The following SPINK5 variants were observed in gnomAD, a reference collection of about 807,000 sequenced individuals.
SPINK5 encodes the protein serine peptidase inhibitor Kazal type 5, also known as serine protease inhibitor Kazal-type 5.
In SPINK5, 125 loss-of-function variants were observed where a neutral mutation model predicts 151.8. The observed-to-expected ratio is 0.82, with a 90% CI of 0.71 to 0.96. The LOEUF (loss-of-function observed/expected upper bound fraction) is 0.96. SPINK5 is among the 40% of genes least tolerant of loss of function. SPINK5 has a pLI of 0.00. For missense variants in SPINK5, 1,194 were observed against 1,291.9 expected, an observed-to-expected ratio of 0.92 and a Z score of 1.16; for synonymous variants, 374 against 395.3, an observed-to-expected ratio of 0.95 and a Z score of 0.64.
In SPINK5 at chr5:148,083,321, T is replaced by C. The variant is rs924681889; in HGVS notation, c.283-3084T>C. 2.6e-5 allele frequency among the ~76,000 whole-genome samples: 4 copies of C among 151,592 alleles called. 1 individual carries two copies. Among genetic ancestry groups the C allele is most frequent in the Admixed American group, 2.0e-4 (3 of 15,208 alleles). ...ACTGGTTTGATATTTGCATGCCTTTTCATTTTAATTTTTCTCAATACATGG... is the reference window on the plus strand; with the variant it reads ...ACTGGTTTGATATTTGCATGCCTTTCCATTTTAATTTTTCTCAATACATGG... On this transcript the variant is annotated intron_variant, in intron 4 of 32. Coordinates refer to ENST00000256084, the MANE Select transcript of SPINK5 (RefSeq NM_006846.4).
chr5:148,121,362 C>T (rs1001487036), intron 26 of SPINK5, among the ~76,000 whole-genome samples: 1 of 151,570 alleles, frequency 6.6e-6, no homozygotes, highest in Non-Finnish European at 1.5e-5. Context: ...GCGAAATTTC[C>T]CTGGGAAGAT....
chr5:148,126,936 A>G, intron 29 of SPINK5, 47 bp from the exon 30 acceptor site: 1 of 1,456,662 alleles, frequency 6.9e-7, no homozygotes. Context: ...ACTGGAAGTT[A>G]TAGGAACTGT....
At chr5:148,083,818 T>G (rs1222368491) in intron 4 of SPINK5, among the ~76,000 whole-genome samples, 2 of 151,672 alleles carry the variant, frequency 1.3e-5, no homozygotes, top group Non-Finnish European at 2.9e-5. Context: ...TAAATGTTCT[T>G]TAGCTTTTCC....
At chr5:148,125,378 C>A in intron 28 of SPINK5, 1 of 742,500 alleles carries the variant, frequency 1.3e-6, no homozygotes. Flanking sequence ...GTAACAATCA[C>A]ATTTGTAGAG....
Position 148,107,045 on chromosome 5 carries a change from CA to C in SPINK5, c.1489del (p.Ser497ValfsTer7). On this transcript the variant is annotated frameshift_variant, in exon 17 of 33. Coordinates refer to ENST00000256084, the MANE Select transcript of SPINK5 (RefSeq NM_006846.4). LOFTEE classifies it high-confidence loss of function. ...AKREAAKEICSEFRDQVRNGT... is the reference protein window; with the variant it reads ...AKREAAKEICXEFRDQVRNGT... ...TTTTCTTCATTTCCCAGGAAATCTGCAGTGAATTTCGGGACCAAGTGAGGAA... is the reference window on the plus strand; with the variant it reads ...TTTTCTTCATTTCCCAGGAAATCTGCGTGAATTTCGGGACCAAGTGAGGAA... The C allele has an allele frequency of 6.2e-7, 1 of 1,612,456 alleles. No homozygotes were observed. Among genetic ancestry groups the C allele is most frequent in the Non-Finnish European group, 8.5e-7 (1 of 1,178,988 alleles).
intron 32 of SPINK5, among the ~76,000 whole-genome samples, chr5:148,134,753 T>C (rs1293528737): frequency 1.3e-5 from 2 of 152,110 alleles, no homozygotes; most frequent in Non-Finnish European, 2.9e-5. Flanking sequence ...AATTGTAGTT[T>C]GATAAAATTA....
intron 13 of SPINK5, 51 bp from the exon 14 acceptor site, chr5:148,101,304 T>C: frequency 7.8e-7 from 1 of 1,284,226 alleles, no homozygotes; most frequent in Non-Finnish European, 1.1e-6. Context: ...TCACTTCTAA[T>C]GTGGCGATTC....
intron 6 of SPINK5, chr5:148,088,985 T>C (rs546277043): frequency 8.6e-6 from 4 of 467,390 alleles, no homozygotes; most frequent in African/African-American, 7.9e-5. Flanking sequence ...TAAAATGAGA[T>C]TTGAACTAAA....
intron 4 of SPINK5, among the ~76,000 whole-genome samples, chr5:148,077,411 TA>T (rs1428480612): frequency 2.0e-5 from 3 of 150,984 alleles, no homozygotes; most frequent in Non-Finnish European, 3.0e-5. Flanking sequence ...ATAAAGATAT[TA>T]CTGTACTAAA....
chr5:148,136,812 T>A (rs1054041188), intron 32 of SPINK5, among the ~76,000 whole-genome samples, 171 bp from the exon 33 acceptor site: 1 of 152,236 alleles, frequency 6.6e-6, no homozygotes, highest in Admixed American at 6.5e-5. Flanking sequence ...AGGTGCTCAA[T>A]ATTTGTTGTA....
intron 4 of SPINK5, among the ~76,000 whole-genome samples, chr5:148,081,359 T>TCCAAATGC (rs1337086151): frequency 1.3e-5 from 2 of 151,658 alleles, no homozygotes; most frequent in Non-Finnish European, 3.0e-5. Context: ...CTAAAAACAA[T>TCCAAATGC]CCAAATGTCC....
At position 148,065,350 on chromosome 5, in the gene SPINK5, C is replaced by T. The variant is rs777592836; in HGVS notation, c.59C>T (p.Ala20Val). The change falls in exon 2 of 33, where the codon GCT becomes GTT. Residue 20 changes from alanine (A) to valine (V), a missense_variant. Transcript: ENST00000256084. ...LPLALCLIQD[A>V]ASKNEDQEMC... ...GGTTTCTATATTTTCATCCCAGATG[C>T]TGCCAGTAAGAATGAAGATCAGGTT... 6.8e-6 allele frequency: 11 copies of T among 1,613,348 alleles called. No homozygotes were observed. The Admixed American group carries it at 1.8e-4, about 27-fold the overall frequency.
At chr5:148,127,176 G>A in intron 30 of SPINK5, 97 bp downstream of exon 30, 1 of 1,069,624 alleles carries the variant, frequency 9.3e-7, no homozygotes, top group Non-Finnish European at 1.4e-6. Context: ...AGGGTCTGAG[G>A]TTTGCTGATT....
At chr5:148,127,856 CTT>C (rs1289683650) in intron 30 of SPINK5, among the ~76,000 whole-genome samples, 2 of 152,022 alleles carry the variant, frequency 1.3e-5, no homozygotes, top group Non-Finnish European at 2.9e-5. Flanking sequence ...GGACCCCACC[CTT>C]CTCTCTTCCT....
chr5:148,065,437 C>A, intron 2 of SPINK5, 65 bp downstream of exon 2: 1 of 1,541,352 alleles, frequency 6.5e-7, no homozygotes, highest in Non-Finnish European at 9.0e-7. Flanking sequence ...TGGTTTGTGG[C>A]CAACACCTTC....
At chr5:148,064,667 G>A (rs1752529880) in intron 1 of SPINK5, among the ~76,000 whole-genome samples, 1 of 152,074 alleles carries the variant, frequency 6.6e-6, no homozygotes, top group Admixed American at 6.6e-5. Flanking sequence ...TTAACCCTAA[G>A]AGAACACAAA....
intron 30 of SPINK5, among the ~76,000 whole-genome samples, 188 bp downstream of exon 30, chr5:148,127,267 C>G (rs1342749031): frequency 1.3e-5 from 2 of 152,160 alleles, no homozygotes; most frequent in Admixed American, 6.5e-5. Context: ...AGTGCCTTAT[C>G]CTGTGCCCTT....
At chr5:148,125,321 T>A (rs1754402050) in intron 28 of SPINK5, among the ~76,000 whole-genome samples, 1 of 152,238 alleles carries the variant, frequency 6.6e-6, no homozygotes, top group African/African-American at 2.4e-5. Context: ...CTTTTCTATT[T>A]ATTTTTCAAG....
Position 148,101,866 on chromosome 5 carries a change from GA to G in SPINK5, c.1393del (p.Met465CysfsTer39). ...AATGACCCCATCCAGGGCCCAGATG[GA>G]AAAATGCATGGCAACACCTGCTCCA... Reference protein sequence around the residue: ...RENDPIQGPDGKMHGNTCSMC... With the variant: ...RENDPIQGPDXKMHGNTCSMC... On this transcript the variant is annotated frameshift_variant, in exon 15 of 33. Coordinates refer to ENST00000256084, the MANE Select transcript of SPINK5 (RefSeq NM_006846.4). LOFTEE classifies it high-confidence loss of function. 6.2e-7 allele frequency: 1 copy of G among 1,613,704 alleles called. No homozygotes were observed. The highest frequency in any genetic ancestry group is 8.5e-7 in the Non-Finnish European group (1 of 1,179,750).
Sources: allele counts gnomAD v4.1 joint callset (sites outside exome capture counted in the v4.1 genomes callset), GRCh38; gene constraint gnomAD v4.1.1; transcripts MANE v1.5; gene names NCBI Gene and HGNC (gene_info 2026-07-23, HGNC 2026-07-21).